Variants in ATF6 observed in about 807,000 individuals in gnomAD.
The protein encoded by ATF6 is activating transcription factor 6, also known as cyclic AMP-dependent transcription factor ATF-6 alpha.
A neutral mutation model predicts 83.6 loss-of-function variants in ATF6; 53 were observed. The ratio of observed to expected loss-of-function variants is 0.63; its 90% confidence interval spans 0.51 to 0.80. The LOEUF is 0.80. ATF6 is among the 30% of genes least tolerant of loss of function. The pLI, the probability that ATF6 is intolerant of heterozygous loss-of-function variation, is 0.00. For missense variants in ATF6, 744 were observed against 797.9 expected (o/e 0.93, Z 0.81); for synonymous variants, 288 against 285.8 (o/e 1.01, Z -0.08).
chr1:161,897,277 A>G (rs182652183), intron 14 of ATF6, among the ~76,000 whole-genome samples: 2 of 152,048 alleles, frequency 1.3e-5, no homozygotes, highest in African/African-American at 4.8e-5. Flanking sequence ...CTACTAAAAT[A>G]CAAAAAGTTA....
chr1:161,867,033 G>A (rs535637693), intron 14 of ATF6, among the ~76,000 whole-genome samples: 24 of 152,232 alleles, frequency 1.6e-4, no homozygotes, highest in African/African-American at 5.3e-4. Flanking sequence ...GGTGACTCAC[G>A]CCTGTAATCC....
chr1:161,818,350 TA>T (rs1685667286), intron 7 of ATF6, among the ~76,000 whole-genome samples: 1 of 152,234 alleles, frequency 6.6e-6, no homozygotes, highest in Admixed American at 6.5e-5. Context: ...ATAGGCTTCA[TA>T]ACTTAATTTA....
At position 161,791,429 on chromosome 1, in the gene ATF6, A is replaced by G; in HGVS notation, c.376A>G (p.Ser126Gly). The G allele has an allele frequency of 1.2e-6, 2 of 1,610,008 alleles. No homozygotes were observed. Among genetic ancestry groups the G allele is most frequent in the Non-Finnish European group, 1.7e-6 (2 of 1,178,812 alleles). ...ACAGGAGGAGTTGGATTTGTCTTCTAGTTCTCAGATGTCTCCCCTTTCCTT... is the reference window on the plus strand; with the variant it reads ...ACAGGAGGAGTTGGATTTGTCTTCTGGTTCTCAGATGTCTCCCCTTTCCTT... ...HVPEELDLSS[S>G]SQMSPLSLYG... is the part of the protein sequence containing the mutation. The change falls in exon 5 of 16, where the codon AGT becomes GGT. Residue 126 changes from serine to glycine, a missense_variant. By Grantham distance (56) the Ser-to-Gly change is moderately conservative (BLOSUM62 0). Coordinates refer to ENST00000367942, the MANE Select transcript of ATF6 (RefSeq NM_007348.4).
intron 15 of ATF6, among the ~76,000 whole-genome samples, chr1:161,918,857 T>C (rs2101893699): frequency 6.6e-6 from 1 of 152,308 alleles, no homozygotes; most frequent in South Asian, 2.1e-4. Flanking sequence ...GCAACTGGTT[T>C]ATGTAATATG....
chr1:161,929,025 A>T (rs17416787), intron 15 of ATF6, among the ~76,000 whole-genome samples: 1 of 152,212 alleles, frequency 6.6e-6, no homozygotes, highest in Non-Finnish European at 1.5e-5. Flanking sequence ...AAAACAGTCA[A>T]TGTAACTCCC....
At chr1:161,888,588 C>T (rs1170403230) in intron 14 of ATF6, among the ~76,000 whole-genome samples, 2 of 152,058 alleles carry the variant, frequency 1.3e-5, no homozygotes, top group Admixed American at 6.5e-5. Context: ...TCTACCTTTT[C>T]TCATTTCTCT....
At chr1:161,875,085 A>G (rs1346588019) in intron 14 of ATF6, among the ~76,000 whole-genome samples, 1 of 151,724 alleles carries the variant, frequency 6.6e-6, no homozygotes, top group Non-Finnish European at 1.5e-5. Context: ...ATTAAGAAAA[A>G]CCTCTTTAAT....
At chr1:161,778,168 A>G in intron 1 of ATF6, 76 bp from the exon 2 acceptor site, 2 of 1,193,828 alleles carry the variant, frequency 1.7e-6, no homozygotes, top group Non-Finnish European at 2.5e-6. Flanking sequence ...TAGAGGTGAC[A>G]TAGGGACACA....
In ATF6 at chr1:161,802,254, G is replaced by A. The variant is rs759342323; in HGVS notation, c.891G>A (p.Met297Ile). ...SVTKPVLQST[M>I]RNVGSDIAVL... ...CTAAACCTGTCCTACAAAGTACCAT[G>A]AGAAATGTCGGTTCAGATGTAAGTT... The change falls in exon 7 of 16, where the codon ATG (methionine) becomes ATA (isoleucine). Residue 297 changes from methionine (M) to isoleucine (I), a missense_variant. By Grantham distance (10) the Met-to-Ile change is conservative. Coordinates refer to ENST00000367942, the MANE Select transcript of ATF6 (RefSeq NM_007348.4). 2.5e-6 allele frequency: 4 copies of A among 1,613,802 alleles called. No homozygotes were observed. In the African/African-American group the frequency reaches 5.3e-5, roughly 22 times the overall value.
chr1:161,820,739 T>G (rs1685734278), intron 8 of ATF6, among the ~76,000 whole-genome samples: 1 of 152,018 alleles, frequency 6.6e-6, no homozygotes, highest in Non-Finnish European at 1.5e-5. Flanking sequence ...AAAGTGACAC[T>G]CCGTCTCAAA....
intron 15 of ATF6, among the ~76,000 whole-genome samples, chr1:161,950,486 A>G (rs1308719897): frequency 6.6e-6 from 1 of 152,184 alleles, no homozygotes; most frequent in African/African-American, 2.4e-5. Context: ...TGTTATAGGG[A>G]CGTGCTTCTG....
intron 10 of ATF6, among the ~76,000 whole-genome samples, chr1:161,851,037 A>G (rs945377834): frequency 6.6e-6 from 1 of 151,974 alleles, no homozygotes; most frequent in Non-Finnish European, 1.5e-5. Flanking sequence ...CTGTTGTTTT[A>G]TTAGTGATTC....
At chr1:161,897,973 T>C (rs1687709637) in intron 14 of ATF6, among the ~76,000 whole-genome samples, 2 of 152,228 alleles carry the variant, frequency 1.3e-5, no homozygotes, top group South Asian at 4.1e-4. Context: ...CTAAGGTAAC[T>C]GAGATGATCC....
At chr1:161,820,940 TA>T in intron 8 of ATF6, 129 bp from the exon 9 acceptor site, 30 of 475,900 alleles carry the variant, frequency 6.3e-5, no homozygotes, top group South Asian at 8.4e-5. Flanking sequence ...TTTTTTTTTT[TA>T]AATAAGACAA....
In ATF6 at chr1:161,891,402, G is replaced by C. The variant is rs577823387; in HGVS notation, c.1720-20894G>C. On this transcript the variant is annotated intron_variant, in intron 14 of 15. Transcript: ENST00000367942. ...GGTGTCTATCCAGGAAGACACTGTGGACCAGCTGTGGACCGTGGATAGCAC... is the reference window on the plus strand; with the variant it reads ...GGTGTCTATCCAGGAAGACACTGTGCACCAGCTGTGGACCGTGGATAGCAC... 3 of 152,204 alleles carry C rather than the reference G, an allele frequency of 2.0e-5. No homozygotes were observed. The East Asian group carries it at 5.8e-4, about 29-fold the overall frequency. The allele number at this position is 152,204 out of a possible 1,614,324, so 9.4% of individuals were successfully genotyped here.
intron 1 of ATF6, among the ~76,000 whole-genome samples, chr1:161,769,045 AAG>A (rs1314664153): frequency 6.6e-6 from 1 of 152,204 alleles, no homozygotes; most frequent in African/African-American, 2.4e-5. Context: ...AATTTAGAGC[AAG>A]AGTCTTCAAA....
chr1:161,841,305 G>A (rs115583293), intron 9 of ATF6, among the ~76,000 whole-genome samples: 1 of 152,118 alleles, frequency 6.6e-6, no homozygotes, highest in South Asian at 2.1e-4. Context: ...ATACAAACCT[G>A]TAGTTATTCA....
chr1:161,833,382 G>A (rs980190851), intron 9 of ATF6, among the ~76,000 whole-genome samples: 3 of 152,114 alleles, frequency 2.0e-5, no homozygotes, highest in East Asian at 3.9e-4. Context: ...CTCCTCACCC[G>A]CAACAGAACA....
intron 1 of ATF6, among the ~76,000 whole-genome samples, chr1:161,767,727 C>A (rs1265231982): frequency 2.0e-5 from 3 of 152,192 alleles, no homozygotes; most frequent in Non-Finnish European, 4.4e-5. Flanking sequence ...ATAATGCTTT[C>A]CTAACTCATG....
Sources: allele counts gnomAD v4.1 joint callset (sites outside exome capture counted in the v4.1 genomes callset), GRCh38; gene constraint gnomAD v4.1.1; transcripts MANE v1.5; gene names NCBI Gene and HGNC (gene_info 2026-07-23, HGNC 2026-07-21).